Variants in XPA observed in about 807,000 individuals in gnomAD.
XPA encodes the protein DNA repair protein complementing XP-A cells.
Under a neutral mutation model 35.7 loss-of-function variants are expected in XPA, and 27 were observed. That is an observed-to-expected ratio of 0.76 (90% CI 0.56 to 1.04). The LOEUF (loss-of-function observed/expected upper bound fraction) is 1.04, where lower values mean the gene tolerates loss of function less well. XPA is among the 50% of genes least tolerant of loss of function. XPA has a pLI of 0.00. For synonymous variants in XPA, 133 were observed against 118.4 expected, an observed-to-expected ratio of 1.12 and a Z score of -0.80; for missense variants, 354 against 342.7, an observed-to-expected ratio of 1.03 and a Z score of -0.26.
At chr9:97,667,481 TAGAC>T in the XPA span, among the ~76,000 whole-genome samples, 1 of 152,224 alleles carries the variant, frequency 6.6e-6, no homozygotes, top group African/African-American at 2.4e-5. Context: ...AGTCTCCATG[TAGAC>T]ATACCTGTAT....
the XPA span, chr9:97,655,807 T>A: frequency 1.3e-6 from 2 of 1,528,218 alleles, no homozygotes; most frequent in Non-Finnish European, 1.8e-6. Flanking sequence ...GTCAAAAAAC[T>A]ACTAATGTTT....
At chr9:97,665,050 G>A in the XPA span, among the ~76,000 whole-genome samples, 1 of 152,198 alleles carries the variant, frequency 6.6e-6, no homozygotes, top group African/African-American at 2.4e-5. Flanking sequence ...ATAGGACCAG[G>A]GCAGCAGGAG....
At chr9:97,662,740 G>T in the XPA span, among the ~76,000 whole-genome samples, 1 of 152,126 alleles carries the variant, frequency 6.6e-6, no homozygotes, top group Non-Finnish European at 1.5e-5. Context: ...CTGGGCTAAC[G>T]GTAGTATATT....
At chr9:97,668,722 G>A in the XPA span, 5 of 1,018,034 alleles carry the variant, frequency 4.9e-6, no homozygotes, top group Middle Eastern at 2.4e-4. Flanking sequence ...GGGTGGGGGG[G>A]TACTTTCACT....
the XPA span, chr9:97,655,039 TGTTTA>T: frequency 8.9e-7 from 1 of 1,125,214 alleles, no homozygotes; most frequent in Non-Finnish European, 1.2e-6. Flanking sequence ...AGAATTTCCA[TGTTTA>T]GTTTTTTTCT....
the XPA span, among the ~76,000 whole-genome samples, chr9:97,657,008 A>G: frequency 6.6e-6 from 1 of 151,988 alleles, no homozygotes; most frequent in Non-Finnish European, 1.5e-5. Context: ...TCGCTCTGTC[A>G]CCCAGGCTGG....
chr9:97,665,152 A>G, the XPA span, among the ~76,000 whole-genome samples: 1 of 152,268 alleles, frequency 6.6e-6, no homozygotes, highest in African/African-American at 2.4e-5. Context: ...TGTTACTGCC[A>G]GAGGACACTG....
intron 5 of XPA, among the ~76,000 whole-genome samples, chr9:97,677,606 G>A (rs573017659): frequency 6.6e-6 from 1 of 152,246 alleles, no homozygotes; most frequent in South Asian, 2.1e-4. Context: ...TGAAGTGGGA[G>A]GATTGCTTAA....
rs921782929 is a variant in XPA, at chr9:97,689,797, TAAA to T, written c.284-161_284-159del. Among the ~76,000 whole-genome samples the T allele has an allele frequency of 8.1e-5, 12 of 148,270 alleles. No homozygotes were observed. In the East Asian group the frequency reaches 1.6e-3, roughly 19 times the overall value. On this transcript the variant is annotated intron_variant, in intron 2 of 5. Coordinates refer to ENST00000375128, the MANE Select transcript of XPA (RefSeq NM_000380.4). ...CTTATGTTTATCTAAAAAAAAAAATTAAAGAGGAAAAAAGAAAAGGAAGTAACA... is the reference window on the plus strand; with the variant it reads ...CTTATGTTTATCTAAAAAAAAAAATTGAGGAAAAAAGAAAAGGAAGTAACA...
At chr9:97,671,203 T>C (rs1201710307), downstream of XPA, 1 of 1,574,120 alleles carries the variant, frequency 6.4e-7, no homozygotes, top group African/African-American at 1.4e-5. Flanking sequence ...GGCCTAAGGG[T>C]CATTTTTTCC....
the XPA span, among the ~76,000 whole-genome samples, chr9:97,657,928 T>TATATATA: frequency 1.6e-5 from 1 of 63,226 alleles, no homozygotes; most frequent in African/African-American, 5.5e-5. Context: ...ATATATATAT[T>TATATATA]TTTTTTTTTT....
intron 5 of XPA, among the ~76,000 whole-genome samples, chr9:97,680,290 C>T (rs1828497242): frequency 6.6e-6 from 1 of 152,152 alleles, no homozygotes; most frequent in Admixed American, 6.6e-5. Flanking sequence ...CTCACTGCAA[C>T]CTCCACTTCC....
chr9:97,687,497 C>A (rs1180133014), intron 3 of XPA, among the ~76,000 whole-genome samples: 3 of 152,030 alleles, frequency 2.0e-5, no homozygotes, highest in Non-Finnish European at 4.4e-5. Context: ...AAGGGAACAG[C>A]AAGGGAAAAG....
the XPA span, chr9:97,663,177 AT>A: frequency 1.5e-5 from 10 of 675,798 alleles, no homozygotes; most frequent in African/African-American, 3.7e-5. Flanking sequence ...TTTAGATCTA[AT>A]TCTTTCAGTG....
downstream of XPA, chr9:97,671,151 C>T (rs954453755): frequency 2.5e-6 from 4 of 1,613,454 alleles, no homozygotes; most frequent in African/African-American, 5.3e-5. Flanking sequence ...CTGAATTAGA[C>T]CCTCATATCT....
the XPA span, among the ~76,000 whole-genome samples, chr9:97,663,393 CAGTG>C: frequency 3.9e-5 from 6 of 152,266 alleles, no homozygotes; most frequent in Admixed American, 1.3e-4. Context: ...TTTCATAAAA[CAGTG>C]AGTGTGTAAT....
rs1828637362 is a variant in XPA, at chr9:97,684,271, T to C, written c.673+652A>G. 2.0e-5 allele frequency among the ~76,000 whole-genome samples: 3 copies of C among 152,028 alleles called. No homozygotes were observed. The Admixed American group carries it at 2.0e-4, about 10-fold the overall frequency. ...TGATGGATGGATGGATGGATGAACA[T>C]ACAGACAGACTTAACAGACATACAT... On this transcript the variant is annotated intron_variant, in intron 5 of 5. Transcript: ENST00000375128.
chr9:97,675,028 G>C lies in XPA; in HGVS notation c.*411C>G. 1 of 529,424 alleles carries C rather than the reference G, an allele frequency of 1.9e-6. No homozygotes were observed. The highest frequency in any genetic ancestry group is 3.7e-6 in the Non-Finnish European group (1 of 273,472). The allele number at this position is 529,424 out of a possible 1,614,324, so 32.8% of individuals were successfully genotyped here. A position where few individuals can be genotyped will look rare whatever the true frequency, so the allele number is the denominator to read the frequency against. ...CCTAAAAAACACATGACTAGAACCT[G>C]GGGTACAGTGGTGCACCACCATTGC... On this transcript the variant is annotated 3_prime_UTR_variant, in exon 6 of 6. Transcript: ENST00000375128.
the XPA span, among the ~76,000 whole-genome samples, chr9:97,656,610 T>C: frequency 6.6e-6 from 1 of 152,186 alleles, no homozygotes; most frequent in African/African-American, 2.4e-5. Context: ...ATAGAAAAGT[T>C]GGCACAACAT....
Sources: gnomAD v4.1 joint callset for allele counts (sites outside exome capture counted in the v4.1 genomes callset) on GRCh38, gnomAD v4.1.1 for gene constraint, MANE v1.5 for transcripts, NCBI Gene and HGNC (gene_info 2026-07-23, HGNC 2026-07-21) for gene names.